Variants in GNAQ observed in about 807,000 individuals in gnomAD.
GNAQ encodes the protein guanine nucleotide-binding protein G(q) subunit alpha.
GNAQ carries 8 observed loss-of-function variants against 43.9 expected under a neutral mutation model. The ratio of observed to expected loss-of-function variants is 0.18; its 90% CI spans 0.11 to 0.33. The LOEUF is 0.33. GNAQ is among the 10% of genes least tolerant of loss of function. The pLI is 1.00. For missense variants in GNAQ, 158 were observed against 450.8 expected, an observed-to-expected ratio of 0.35 and a Z score of 5.88; for synonymous variants, 155 against 170.7, an observed-to-expected ratio of 0.91 and a Z score of 0.71.
intron 1 of GNAQ, among the ~76,000 whole-genome samples, chr9:77,973,113 A>G (rs1182304082): frequency 6.6e-6 from 1 of 152,104 alleles, no homozygotes; most frequent in Non-Finnish European, 1.5e-5. Context: ...TTCAAAACCA[A>G]TGGGGTTTTT....
At chr9:77,747,276 G>C (rs1252983512) in intron 5 of GNAQ, among the ~76,000 whole-genome samples, 1 of 152,068 alleles carries the variant, frequency 6.6e-6, no homozygotes, top group Non-Finnish European at 1.5e-5. Context: ...CAAAAGGCAA[G>C]ACAACAAAGC....
chr9:77,817,943 T>C (rs906573644), intron 2 of GNAQ, among the ~76,000 whole-genome samples: 4 of 152,104 alleles, frequency 2.6e-5, no homozygotes, highest in African/African-American at 9.7e-5. Context: ...CATGGCACTT[T>C]TTAAAAACTG....
At chr9:77,974,874 T>C (rs1211473649) in intron 1 of GNAQ, among the ~76,000 whole-genome samples, 1 of 152,242 alleles carries the variant, frequency 6.6e-6, no homozygotes, top group African/African-American at 2.4e-5. Flanking sequence ...TAAATCCTCA[T>C]TTTACTTTGT....
chr9:77,772,594 T>A (rs1471946898), intron 5 of GNAQ, among the ~76,000 whole-genome samples: 1 of 152,166 alleles, frequency 6.6e-6, no homozygotes, highest in Admixed American at 6.5e-5. Flanking sequence ...TCAGGACTGT[T>A]TGAGGAGAAA....
intron 1 of GNAQ, among the ~76,000 whole-genome samples, chr9:78,013,442 T>C (rs894900625): frequency 3.9e-5 from 6 of 152,046 alleles, no homozygotes; most frequent in Admixed American, 2.0e-4. Flanking sequence ...TAGGTATATC[T>C]CCTAATGCTA....
At chr9:77,906,007 T>C (rs541227373) in intron 2 of GNAQ, among the ~76,000 whole-genome samples, 1 of 152,204 alleles carries the variant, frequency 6.6e-6, no homozygotes, top group African/African-American at 2.4e-5. Context: ...AGATGACAGG[T>C]TGGTTGGTGC....
intron 1 of GNAQ, among the ~76,000 whole-genome samples, chr9:78,008,585 ATTTC>A: frequency 8.0e-6 from 1 of 124,242 alleles, no homozygotes; most frequent in Non-Finnish European, 1.7e-5. Context: ...ATTTCATTTC[ATTTC>A]ATTTCATTTC....
intron 1 of GNAQ, among the ~76,000 whole-genome samples, 189 bp downstream of exon 1, chr9:78,030,911 G>GTC (rs1587470087): frequency 6.6e-6 from 1 of 151,334 alleles, no homozygotes; most frequent in East Asian, 2.0e-4. Context: ...GTGTGTGTGT[G>GTC]TGTGTGTGTC....
chr9:77,792,113 G>GAT (rs1255705831), intron 5 of GNAQ, among the ~76,000 whole-genome samples: 1 of 152,060 alleles, frequency 6.6e-6, no homozygotes, highest in East Asian at 1.9e-4. Context: ...TGATAGCTGT[G>GAT]GCTAATATGG....
chr9:77,874,673 G>A (rs1215083115), intron 2 of GNAQ, among the ~76,000 whole-genome samples: 1 of 151,948 alleles, frequency 6.6e-6, no homozygotes, highest in Non-Finnish European at 1.5e-5. Context: ...CATCTAGGTT[G>A]GAGTGTCATA....
At chr9:77,875,750 C>G (rs1472781219) in intron 2 of GNAQ, among the ~76,000 whole-genome samples, 1 of 152,202 alleles carries the variant, frequency 6.6e-6, no homozygotes, top group East Asian at 1.9e-4. Flanking sequence ...AGTGACATAA[C>G]AAGAAGGCCT....
intron 2 of GNAQ, among the ~76,000 whole-genome samples, chr9:77,918,982 T>G (rs1828957175): frequency 6.6e-6 from 1 of 152,196 alleles, no homozygotes; most frequent in African/African-American, 2.4e-5. Flanking sequence ...CGTAGCGGCA[T>G]GATCTCAGCT....
intron 6 of GNAQ, among the ~76,000 whole-genome samples, chr9:77,722,352 T>A (rs890684078): frequency 6.6e-6 from 1 of 151,950 alleles, no homozygotes; most frequent in Admixed American, 6.6e-5. Context: ...GGCCAGGCTG[T>A]TCTCAAACTC....
rs192140354 is a variant in GNAQ at position 77,825,324 on chromosome 9, A to T, written c.322-9554T>A. Among the ~76,000 whole-genome samples the T allele has an allele frequency of 8.2e-3, 1,224 of 149,810 alleles. 15 individuals carry two copies. The highest frequency in any genetic ancestry group is 0.028 in the African/African-American group (1,169 of 41,472). Reference sequence around the variant, plus strand: ...AAAGCAAAATCTTTCATACCTCCACAGTAAGACTGCTTCAGCCTTCATTTT... The same window carrying T: ...AAAGCAAAATCTTTCATACCTCCACTGTAAGACTGCTTCAGCCTTCATTTT... On this transcript the variant is annotated intron_variant, in intron 2 of 6. Coordinates refer to ENST00000286548, the MANE Select transcript of GNAQ (RefSeq NM_002072.5).
intron 2 of GNAQ, among the ~76,000 whole-genome samples, chr9:77,871,743 C>CT (rs1828041483): frequency 6.6e-6 from 1 of 152,098 alleles, no homozygotes; most frequent in Non-Finnish European, 1.5e-5. Flanking sequence ...AAAAACATCA[C>CT]TTTTTTCTGA....
At chr9:77,918,684 T>C (rs1828951689) in intron 2 of GNAQ, among the ~76,000 whole-genome samples, 1 of 152,150 alleles carries the variant, frequency 6.6e-6, no homozygotes, top group East Asian at 1.9e-4. Context: ...AAATTCCTTC[T>C]TCTGATCATT....
chr9:77,849,835 T>C (rs1007804248), intron 2 of GNAQ, among the ~76,000 whole-genome samples: 9 of 152,104 alleles, frequency 5.9e-5, no homozygotes, highest in African/African-American at 2.2e-4. Context: ...CTGGCTAATT[T>C]TTAAATTTTC....
chr9:77,769,564 T>C (rs912380257), intron 5 of GNAQ, among the ~76,000 whole-genome samples: 2 of 152,112 alleles, frequency 1.3e-5, no homozygotes, highest in South Asian at 2.1e-4. Flanking sequence ...GTGTTTCTTA[T>C]CTACTGAGAC....
At chr9:77,739,967 A>AACCAACAAAGC (rs1411936489) in intron 5 of GNAQ, among the ~76,000 whole-genome samples, 1 of 152,254 alleles carries the variant, frequency 6.6e-6, no homozygotes, top group Non-Finnish European at 1.5e-5. Flanking sequence ...CTAGCTAATA[A>AACCAACAAAGC]ACCAACAAAG....
Sources: allele counts gnomAD v4.1 joint callset (sites outside exome capture counted in the v4.1 genomes callset), GRCh38; gene constraint gnomAD v4.1.1; transcripts MANE v1.5; gene names NCBI Gene and HGNC (gene_info 2026-07-23, HGNC 2026-07-21).